The following KLHL32 variants were observed in gnomAD, a reference collection of about 807,000 sequenced individuals.
The protein encoded by KLHL32 is kelch-like protein 32.
Under a neutral mutation model 64.8 loss-of-function variants are expected in KLHL32, and 35 were observed. That is an observed-to-expected ratio of 0.54 (90% CI 0.41 to 0.72). The LOEUF (loss-of-function observed/expected upper bound fraction) is 0.72, where lower values mean the gene tolerates loss of function less well. Among genes scored for constraint, KLHL32 ranks in the 30% least tolerant of loss-of-function variants. The pLI is 0.00. For synonymous variants in KLHL32, 259 were observed against 281.0 expected (o/e 0.92, Z 0.78); for missense variants, 589 against 768.5 (o/e 0.77, Z 2.76).
intron 6 of KLHL32, among the ~76,000 whole-genome samples, chr6:97,087,700 C>A (rs1793631534): frequency 6.6e-6 from 1 of 152,188 alleles, no homozygotes; most frequent in Non-Finnish European, 1.5e-5. Flanking sequence ...AACACACACA[C>A]ACTTACGCAG....
intron 1 of KLHL32, among the ~76,000 whole-genome samples, chr6:96,948,706 T>G (rs1050239849): frequency 3.3e-5 from 5 of 152,108 alleles, no homozygotes; most frequent in Non-Finnish European, 7.4e-5. Flanking sequence ...TTAGGAAAAT[T>G]AGGATTGATG....
chr6:97,123,994 C>G (rs1199102243), intron 7 of KLHL32, among the ~76,000 whole-genome samples: 1 of 152,116 alleles, frequency 6.6e-6, no homozygotes, highest in East Asian at 1.9e-4. Flanking sequence ...GCAGATTAAT[C>G]TAAAAGCGAA....
chr6:96,966,262 T>G (rs1774445260), intron 1 of KLHL32, among the ~76,000 whole-genome samples: 1 of 152,224 alleles, frequency 6.6e-6, no homozygotes, highest in South Asian at 2.1e-4. Flanking sequence ...AGTGTAGTCA[T>G]GGACCAGGAC....
intron 6 of KLHL32, among the ~76,000 whole-genome samples, chr6:97,091,092 C>T (rs542632744): frequency 3.3e-5 from 5 of 152,162 alleles, no homozygotes; most frequent in Non-Finnish European, 7.3e-5. Context: ...GTGGCATGCA[C>T]CTGTAGTTCC....
intron 3 of KLHL32, among the ~76,000 whole-genome samples, chr6:97,004,338 T>C (rs1463972884): frequency 2.0e-5 from 3 of 152,210 alleles, no homozygotes; most frequent in Non-Finnish European, 4.4e-5. Flanking sequence ...ATTCTGAAGC[T>C]TTGCTGAGGT....
In KLHL32 at chr6:97,132,782, A is replaced by G. The variant is rs369234220; in HGVS notation, c.1701+35A>G. On this transcript the variant is annotated intron_variant, in intron 10 of 10. Transcript: ENST00000369261. ...AGAAGTTCCTTTTGAAGTTTGTTCAAGTGGTTCAGCGAGGTTACATTTTGC... is the reference window on the plus strand; with the variant it reads ...AGAAGTTCCTTTTGAAGTTTGTTCAGGTGGTTCAGCGAGGTTACATTTTGC... 347 of 1,474,958 alleles carry G rather than the reference A, an allele frequency of 2.4e-4. 1 individual carries two copies. Among genetic ancestry groups the G allele is most frequent in the Non-Finnish European group, 2.9e-4 (308 of 1,064,312 alleles). 91.4% of individuals were successfully genotyped at this position (1,474,958 alleles called of 1,614,324 possible). A position where few individuals can be genotyped will look rare whatever the true frequency, so the allele number is the denominator to read the frequency against.
At chr6:96,934,931 A>G (rs1770398329) in intron 1 of KLHL32, among the ~76,000 whole-genome samples, 1 of 152,224 alleles carries the variant, frequency 6.6e-6, no homozygotes, top group Admixed American at 6.5e-5. Context: ...GAGAGACTAC[A>G]GTTTCAAATT....
chr6:97,090,486 A>G (rs181318776), intron 6 of KLHL32, among the ~76,000 whole-genome samples: 64 of 152,276 alleles, frequency 4.2e-4, no homozygotes, highest in Non-Finnish European at 7.8e-4. Context: ...TGAATTAATC[A>G]TTTTCTTCAA....
chr6:96,968,004 AAGAG>A (rs889647700), intron 2 of KLHL32, among the ~76,000 whole-genome samples: 3 of 152,214 alleles, frequency 2.0e-5, no homozygotes, highest in African/African-American at 7.2e-5. Flanking sequence ...AGCAAAGAAT[AAGAG>A]AGATGACAAA....
At chr6:97,035,344 T>C (rs555803920) in intron 3 of KLHL32, among the ~76,000 whole-genome samples, 1 of 152,286 alleles carries the variant, frequency 6.6e-6, no homozygotes, top group South Asian at 2.1e-4. Flanking sequence ...ATCTTTTAAA[T>C]GTTGGGGTAA....
intron 1 of KLHL32, among the ~76,000 whole-genome samples, chr6:96,933,697 G>T (rs1057152113): frequency 6.6e-6 from 1 of 152,110 alleles, no homozygotes; most frequent in Admixed American, 6.5e-5. Flanking sequence ...TGGGACAGAG[G>T]GTCATCTCCC....
At chr6:97,135,564 C>T (rs902360470) in intron 10 of KLHL32, among the ~76,000 whole-genome samples, 1 of 152,082 alleles carries the variant, frequency 6.6e-6, no homozygotes, top group Non-Finnish European at 1.5e-5. Context: ...TCCCAAAGTG[C>T]TGGGATTACA....
chr6:97,071,287 T>A (rs1790670308), intron 5 of KLHL32, among the ~76,000 whole-genome samples: 1 of 152,118 alleles, frequency 6.6e-6, no homozygotes, highest in South Asian at 2.1e-4. Flanking sequence ...AGCAGGCCTT[T>A]GTGGTATCCT....
chr6:97,057,252 C>T lies in KLHL32; in HGVS notation c.313-7376C>T, dbSNP rs1444003872. ...AGGCTGGAGTGCAGTGGCGCGATCT[C>T]GACTCACTGCAAGCTCCGCCTCCCG... is the stretch of plus-strand genomic sequence containing the variant. On this transcript the variant is annotated intron_variant, in intron 4 of 10. Transcript: ENST00000369261. Among the ~76,000 whole-genome samples the T allele has an allele frequency of 5.9e-5, 5 of 84,332 alleles. 1 individual carries two copies. In the East Asian group the frequency reaches 9.4e-4, roughly 16 times the overall value. 55.3% of individuals were successfully genotyped at this position (84,332 alleles called of 152,430 possible). A position where few individuals can be genotyped will look rare whatever the true frequency, so the allele number is the denominator to read the frequency against.
intron 8 of KLHL32, among the ~76,000 whole-genome samples, 188 bp downstream of exon 8, chr6:97,127,650 G>T (rs1799016543): frequency 6.6e-6 from 1 of 152,116 alleles, no homozygotes; most frequent in Non-Finnish European, 1.5e-5. Flanking sequence ...AAACATTTCA[G>T]CTCCTCTAGT....
intron 4 of KLHL32, among the ~76,000 whole-genome samples, chr6:97,060,779 C>A (rs1788751725): frequency 1.3e-5 from 2 of 152,118 alleles, no homozygotes; most frequent in Non-Finnish European, 2.9e-5. Context: ...GACATAATTT[C>A]TCCTACCAGG....
At chr6:97,047,370 T>C (rs1562277908) in intron 4 of KLHL32, among the ~76,000 whole-genome samples, 1 of 152,268 alleles carries the variant, frequency 6.6e-6, no homozygotes, top group Admixed American at 6.5e-5. Flanking sequence ...CAGCCATGCA[T>C]GGAGGCCATT....
At chr6:96,991,215 G>T (rs1452003173) in intron 3 of KLHL32, among the ~76,000 whole-genome samples, 5 of 151,972 alleles carry the variant, frequency 3.3e-5, no homozygotes, top group African/African-American at 9.7e-5. Context: ...GGGTCTGTTG[G>T]TTGCCTCTGG....
At chr6:97,049,777 G>T (rs2128135032) in intron 4 of KLHL32, among the ~76,000 whole-genome samples, 1 of 152,250 alleles carries the variant, frequency 6.6e-6, no homozygotes, top group African/African-American at 2.4e-5. Flanking sequence ...CTAGTTATTT[G>T]CCTTGGGGTA....
Sources: gnomAD v4.1 joint callset for allele counts (sites outside exome capture counted in the v4.1 genomes callset) on GRCh38, gnomAD v4.1.1 for gene constraint, MANE v1.5 for transcripts, NCBI Gene and HGNC (gene_info 2026-07-23, HGNC 2026-07-21) for gene names.